XIRP2: variants seen among roughly 807,000 people sequenced by gnomAD.
The protein encoded by XIRP2 is xin actin-binding repeat-containing protein 2.
A neutral mutation model predicts 277.0 loss-of-function variants in XIRP2; 236 were observed. The observed-to-expected ratio is 0.85, with a 90% confidence interval of 0.77 to 0.95. The LOEUF is 0.95. XIRP2 is among the 40% of genes least tolerant of loss of function. The pLI, the probability that XIRP2 is intolerant of heterozygous loss-of-function variation, is 0.00. For missense variants in XIRP2, 4,640 were observed against 4,157.5 expected, an observed-to-expected ratio of 1.12 and a Z score of -3.19; for synonymous variants, 1,490 against 1,416.5, an observed-to-expected ratio of 1.05 and a Z score of -1.17.
At chr2:167,156,228 A>C (rs1398076866) in intron 3 of XIRP2, among the ~76,000 whole-genome samples, 2 of 152,168 alleles carry the variant, frequency 1.3e-5, no homozygotes, top group Middle Eastern at 3.2e-3. Context: ...GACTTTCTTC[A>C]CAGAATTGGA....
intron 3 of XIRP2, among the ~76,000 whole-genome samples, chr2:167,158,963 T>G (rs1574308004): frequency 6.6e-6 from 1 of 152,028 alleles, no homozygotes; most frequent in African/African-American, 2.4e-5. Flanking sequence ...AGACACTACC[T>G]CTGGGGGGTA....
Position 167,243,253 on chromosome 2 carries a change from T to C in XIRP2, c.1861T>C (p.Phe621Leu). Residue 621 changes from phenylalanine to leucine, a missense_variant, in exon 9 of 11, where the codon TTT (phenylalanine) becomes CTT (leucine). Coordinates refer to ENST00000409195, the MANE Select transcript of XIRP2 (RefSeq NM_152381.6). ...GGDVKYTTWM[F>L]ETQPIDTLGA... ...TGATGTGAAATATACCACATGGATG[T>C]TTGAAACCCAACCCATCGACACACT... is the stretch of plus-strand genomic sequence containing the variant. The C allele has an allele frequency of 6.2e-7, 1 of 1,613,722 alleles. No individual in the cohort carries two copies. The highest frequency in any genetic ancestry group is 8.5e-7 in the Non-Finnish European group (1 of 1,179,802).
At chr2:167,107,805 AT>A (rs1690652893) in intron 2 of XIRP2, among the ~76,000 whole-genome samples, 1 of 151,580 alleles carries the variant, frequency 6.6e-6, no homozygotes, top group Admixed American at 6.6e-5. Flanking sequence ...ATTCTGTAAG[AT>A]TTGTTCTAAT....
intron 1 of XIRP2, among the ~76,000 whole-genome samples, chr2:166,902,708 C>A (rs934116799): frequency 1.3e-5 from 2 of 151,912 alleles, no homozygotes; most frequent in African/African-American, 2.4e-5. Context: ...CAGTCAGTCT[C>A]ACAATGAGAT....
At chr2:166,981,091 T>C (rs554949404) in intron 2 of XIRP2, among the ~76,000 whole-genome samples, 52 of 152,294 alleles carry the variant, frequency 3.4e-4, no homozygotes, top group Admixed American at 7.2e-4. Context: ...TTTATGTATA[T>C]TTTAAATCTT....
chr2:167,146,426 A>C (rs1291021246), intron 3 of XIRP2, among the ~76,000 whole-genome samples: 1 of 151,932 alleles, frequency 6.6e-6, no homozygotes, highest in Non-Finnish European at 1.5e-5. Context: ...GCTTGAATCC[A>C]AGAGGCGGAG....
At chr2:167,077,435 T>TA (rs997662156) in intron 2 of XIRP2, among the ~76,000 whole-genome samples, 108 of 147,518 alleles carry the variant, frequency 7.3e-4, no homozygotes, top group Admixed American at 1.2e-3. Flanking sequence ...ATGGAGCAGT[T>TA]AAAAAAAAAA....
intron 2 of XIRP2, among the ~76,000 whole-genome samples, chr2:167,070,801 T>A (rs1191551624): frequency 2.0e-5 from 3 of 152,012 alleles, no homozygotes; most frequent in Non-Finnish European, 2.9e-5. Context: ...ACTTTGGCAT[T>A]TTTTTTAAGG....
At chr2:167,194,451 C>T (rs1166785148) in intron 3 of XIRP2, among the ~76,000 whole-genome samples, 1 of 152,112 alleles carries the variant, frequency 6.6e-6, no homozygotes, top group Non-Finnish European at 1.5e-5. Flanking sequence ...TTCTCTTTCT[C>T]CCTTTCCCCT....
chr2:166,942,172 G>T (rs886216716), intron 2 of XIRP2, among the ~76,000 whole-genome samples: 3 of 152,114 alleles, frequency 2.0e-5, no homozygotes, highest in African/African-American at 4.8e-5. Flanking sequence ...TTCTAATGTT[G>T]CCATAGGCCC....
intron 5 of XIRP2, among the ~76,000 whole-genome samples, chr2:167,226,547 A>G (rs1290189572): frequency 6.6e-6 from 1 of 152,180 alleles, no homozygotes; most frequent in African/African-American, 2.4e-5. Context: ...AAGCAACCAC[A>G]CGAGGACTTG....
At chr2:166,937,706 C>T (rs1306407746) in intron 2 of XIRP2, among the ~76,000 whole-genome samples, 3 of 152,168 alleles carry the variant, frequency 2.0e-5, no homozygotes, top group South Asian at 4.1e-4. Flanking sequence ...TAGAATTTGG[C>T]TGTGAATCCA....
intron 7 of XIRP2, 142 bp downstream of exon 7, chr2:167,240,878 G>T (rs546419712): frequency 1.4e-6 from 1 of 707,836 alleles, no homozygotes; most frequent in Non-Finnish European, 2.4e-6. Flanking sequence ...GAGCTGAGTA[G>T]TATTTCTACA....
Position 166,903,814 on chromosome 2 carries a change from C to G in XIRP2, c.332C>G (p.Ser111Cys), listed in dbSNP as rs779474840. 1 of 1,613,672 alleles carries G rather than the reference C, an allele frequency of 6.2e-7. No homozygotes were observed. The highest frequency in any genetic ancestry group is 1.1e-5 in the South Asian group (1 of 91,082). Reference sequence around the variant, plus strand: ...AGTCGGCGCAGGATTGAACGCTTTTCCATTGCCCTTGATGAGCTGAGGAGT... The same window carrying G: ...AGTCGGCGCAGGATTGAACGCTTTTGCATTGCCCTTGATGAGCTGAGGAGT... ...LSSRRRIERF[S>C]IALDELRSVF... The change falls in exon 2 of 11, where the codon TCC becomes TGC. Residue 111 changes from serine (S) to cysteine (C), a missense_variant. By Grantham distance (112) the Ser-to-Cys change is moderately radical. Coordinates refer to ENST00000409195, the MANE Select transcript of XIRP2 (RefSeq NM_152381.6).
chr2:167,242,015 A>C (rs1278367239), intron 8 of XIRP2, 105 bp downstream of exon 8: 2 of 1,401,946 alleles, frequency 1.4e-6, no homozygotes, highest in Non-Finnish European at 1.9e-6. Flanking sequence ...CAACAAAAAA[A>C]AATTCTGAAC....
intron 2 of XIRP2, among the ~76,000 whole-genome samples, chr2:166,941,313 G>C (rs1685708101): frequency 6.6e-6 from 1 of 152,214 alleles, no homozygotes; most frequent in Non-Finnish European, 1.5e-5. Flanking sequence ...ATTAGGCTGG[G>C]AGTGACCTGA....
At chr2:167,021,929 A>C (rs564112173) in intron 2 of XIRP2, among the ~76,000 whole-genome samples, 2 of 152,222 alleles carry the variant, frequency 1.3e-5, no homozygotes, top group African/African-American at 4.8e-5. Context: ...TTGTATTCAG[A>C]TTTATTTTCT....
At chr2:167,217,272 T>G in intron 4 of XIRP2, among the ~76,000 whole-genome samples, 1 of 140,244 alleles carries the variant, frequency 7.1e-6, no homozygotes, top group South Asian at 2.3e-4. Context: ...ACCCTAAAAC[T>G]TAAAGTATAA....
At chr2:167,086,884 C>T (rs962748674) in intron 2 of XIRP2, among the ~76,000 whole-genome samples, 15 of 152,094 alleles carry the variant, frequency 9.9e-5, no homozygotes, top group African/African-American at 3.4e-4. Context: ...TGCCTTTGGT[C>T]TGAATGTCCT....
Sources: gnomAD v4.1 joint callset for allele counts (sites outside exome capture counted in the v4.1 genomes callset) on GRCh38, gnomAD v4.1.1 for gene constraint, MANE v1.5 for transcripts, NCBI Gene and HGNC (gene_info 2026-07-23, HGNC 2026-07-21) for gene names.